Variants in BTAF1 observed in about 807,000 individuals in gnomAD.
BTAF1 encodes the protein TATA-binding protein-associated factor 172.
Under a neutral mutation model 227.1 loss-of-function variants are expected in BTAF1, and 38 were observed. The ratio of observed to expected loss-of-function variants is 0.17; its 90% CI spans 0.13 to 0.22. The LOEUF (loss-of-function observed/expected upper bound fraction) is 0.22, where lower values mean the gene tolerates loss of function less well. BTAF1 is among the 10% of genes least tolerant of loss of function. The pLI is 1.00. For missense variants in BTAF1, 1,598 were observed against 2,204.0 expected, an observed-to-expected ratio of 0.73 and a Z score of 5.51; for synonymous variants, 742 against 751.9, an observed-to-expected ratio of 0.99 and a Z score of 0.21.
chr10:91,969,799 A>C (rs1373809933), intron 14 of BTAF1, among the ~76,000 whole-genome samples: 2 of 151,990 alleles, frequency 1.3e-5, no homozygotes, highest in Non-Finnish European at 2.9e-5. Flanking sequence ...CCCTGTCTCT[A>C]CTAAAAATAC....
Position 91,924,093 on chromosome 10 carries a change from G to C in BTAF1, c.14+3G>C. The C allele has an allele frequency of 1.2e-6, 2 of 1,608,058 alleles. No individual in the cohort carries two copies. Among genetic ancestry groups the C allele is most frequent in the Non-Finnish European group, 1.7e-6 (2 of 1,178,102 alleles). On this transcript the variant is annotated splice_donor_region_variant and intron_variant, in intron 1 of 37. Coordinates refer to ENST00000265990, the MANE Select transcript of BTAF1 (RefSeq NM_003972.3). ...CGCCCGGCCATGGCGGTCTCCAGGT[G>C]GGTCTTGCTCCTGACGAGCAAACTG...
intron 1 of BTAF1, among the ~76,000 whole-genome samples, chr10:91,932,699 A>G (rs769006701): frequency 1.3e-5 from 2 of 152,264 alleles, no homozygotes; most frequent in Non-Finnish European, 2.9e-5. Context: ...TGTGGATTTC[A>G]GAAAAGGAAG....
intron 4 of BTAF1, among the ~76,000 whole-genome samples, chr10:91,950,832 A>AT (rs375509577): frequency 0.44 from 58,550 of 132,516 alleles, 13,258 homozygotes; most frequent in East Asian, 0.52. Flanking sequence ...ATAGAGATGT[A>AT]TTTTTTTTTT....
At chr10:91,948,781 T>A (rs1220330450) in intron 4 of BTAF1, among the ~76,000 whole-genome samples, 2 of 151,960 alleles carry the variant, frequency 1.3e-5, no homozygotes, top group East Asian at 3.9e-4. Flanking sequence ...TATATATTTT[T>A]AAAATTTTTT....
At chr10:92,028,765 T>TTA in intron 37 of BTAF1, 25 bp from the exon 38 acceptor site, 1 of 1,576,340 alleles carries the variant, frequency 6.3e-7, no homozygotes, top group Non-Finnish European at 8.6e-7. Flanking sequence ...TTTTATTTTT[T>TTA]TTTTTTTTGC....
chr10:91,926,615 A>G (rs1187992616), intron 1 of BTAF1, among the ~76,000 whole-genome samples: 1 of 152,204 alleles, frequency 6.6e-6, no homozygotes, highest in African/African-American at 2.4e-5. Flanking sequence ...CTGTAAAGCT[A>G]CATCCAATCT....
Position 91,997,617 on chromosome 10 carries a change from C to A in BTAF1, c.3526C>A (p.Leu1176Ile). 6.2e-7 allele frequency: 1 copy of A among 1,613,346 alleles called. No homozygotes were observed. The highest frequency in any genetic ancestry group is 8.5e-7 in the Non-Finnish European group (1 of 1,179,456). Residue 1176 changes from leucine to isoleucine, a missense_variant, in exon 25 of 38, where the codon CTA (leucine) becomes ATA (isoleucine). Leu to Ile is a conservative substitution (Grantham distance 5). Around this residue, in one of 10 missense-constraint regions of BTAF1, gnomAD observed 425 missense variants for 491.2 expected, o/e 0.87. Transcript: ENST00000265990. Reference sequence around the variant, plus strand: ...CACTTACTCAGGTGTAATGGAACAACTAGATGTTGGTATTGTTCCATATAT... The same window carrying A: ...CACTTACTCAGGTGTAATGGAACAAATAGATGTTGGTATTGTTCCATATAT... ...IEALACVMEQLDVGIVPYIVL... is the reference protein window; with the variant it reads ...IEALACVMEQIDVGIVPYIVL...
intron 20 of BTAF1, among the ~76,000 whole-genome samples, chr10:91,991,279 T>TATATATATTTATATATAA (rs1848728322): frequency 2.0e-5 from 2 of 98,436 alleles, no homozygotes; most frequent in African/African-American, 3.0e-5. Context: ...TAAATATATA[T>TATATATATTTATATATAA]ATATATATAT....
In BTAF1 at chr10:91,982,204, G is replaced by A; in HGVS notation, c.2027G>A (p.Arg676Gln). The A allele has an allele frequency of 1.9e-6, 3 of 1,613,844 alleles. No homozygotes were observed. The highest frequency in any genetic ancestry group is 1.7e-4 in the Middle Eastern group (1 of 6,058). Residue 676 changes from arginine (R) to glutamine (Q), a missense_variant, in exon 17 of 38, where the codon CGG (arginine) becomes CAG (glutamine). Around this residue, in one of 10 missense-constraint regions of BTAF1, gnomAD observed 318 missense variants for 435.0 expected, o/e 0.73. Transcript: ENST00000265990. ...DPATRDFVVM[R>Q]ARMMAAKLLG... ...GCCACCAGGGATTTTGTAGTTATGC[G>A]GGCCAGAATGATGGCAGCCAAGTGA...
At chr10:92,007,020 G>T (rs1257642410) in intron 25 of BTAF1, among the ~76,000 whole-genome samples, 1 of 151,186 alleles carries the variant, frequency 6.6e-6, no homozygotes, top group Non-Finnish European at 1.5e-5. Flanking sequence ...GAAATTCTTG[G>T]AGTATTAAAG....
rs1843652805 is a variant in BTAF1 at position 91,923,980 on chromosome 10, C to T, written c.-97C>T. On this transcript the variant is annotated 5_prime_UTR_variant, in exon 1 of 38. Coordinates refer to ENST00000265990, the MANE Select transcript of BTAF1 (RefSeq NM_003972.3). ...CCGCACCGGCCGCTCCCCTGTGCTC[C>T]GCGGCCTGGGCCTGCGCCGCTCAGC... 3.4e-6 allele frequency: 5 copies of T among 1,452,812 alleles called. No individual in the cohort carries two copies. The highest frequency in any genetic ancestry group is 1.8e-6 in the Non-Finnish European group (2 of 1,096,976). The allele number at this position is 1,452,812 out of a possible 1,614,324, so 90.0% of individuals were successfully genotyped here.
chr10:91,925,516 C>CTCTTTTTTTTT (rs746036208), intron 1 of BTAF1, among the ~76,000 whole-genome samples: 1 of 114,580 alleles, frequency 8.7e-6, no homozygotes, highest in African/African-American at 2.7e-5. Context: ...ACGCTAATCT[C>CTCTTTTTTTTT]TTTTTTTTTT....
At chr10:91,943,278 C>T (rs2133823576) in intron 4 of BTAF1, among the ~76,000 whole-genome samples, 1 of 152,250 alleles carries the variant, frequency 6.6e-6, no homozygotes, top group South Asian at 2.1e-4. Context: ...CACACCACTG[C>T]ACTCCAGCCT....
At chr10:91,953,531 T>C (rs1226528815) in intron 5 of BTAF1, among the ~76,000 whole-genome samples, 1 of 152,134 alleles carries the variant, frequency 6.6e-6, no homozygotes, top group South Asian at 2.1e-4. Context: ...TGTGTATCTG[T>C]TGGGAGTTGG....
intron 19 of BTAF1, among the ~76,000 whole-genome samples, chr10:91,986,739 G>C (rs932798019): frequency 6.6e-6 from 1 of 151,978 alleles, no homozygotes; most frequent in South Asian, 2.1e-4. Context: ...TCATCAAATG[G>C]CCCCTTCTTT....
rs34292341 is a variant in BTAF1 at position 91,947,735 on chromosome 10, CAAA to C, written c.401-3648_401-3646del. On this transcript the variant is annotated intron_variant, in intron 4 of 37. Coordinates refer to ENST00000265990, the MANE Select transcript of BTAF1 (RefSeq NM_003972.3). ...TTTAGGACCAGTCTGTCAATGTTTG[CAAA>C]AAAAAAAAAAAAAAAAAAAGCCAGC... 1.2e-3 allele frequency among the ~76,000 whole-genome samples: 125 copies of C among 107,360 alleles called. 1 individual carries two copies. Among genetic ancestry groups the C allele is most frequent in the South Asian group, 0.01 (26 of 2,556 alleles). The allele number at this position is 107,360 out of a possible 152,430, so 70.4% of individuals were successfully genotyped here. A position where few individuals can be genotyped will look rare whatever the true frequency, so the allele number is the denominator to read the frequency against.
At chr10:91,973,903 C>CAAAAAAA (rs566022941) in intron 14 of BTAF1, among the ~76,000 whole-genome samples, 3 of 93,902 alleles carry the variant, frequency 3.2e-5, no homozygotes, top group East Asian at 3.0e-4. Context: ...GACTCCGTCT[C>CAAAAAAA]AAAAAAAAAA....
At chr10:91,934,712 G>A (rs1342478212) in intron 1 of BTAF1, among the ~76,000 whole-genome samples, 2 of 152,110 alleles carry the variant, frequency 1.3e-5, no homozygotes, top group South Asian at 2.1e-4. Flanking sequence ...TCTCTTAAGT[G>A]TACCCTGAAT....
At chr10:91,965,935 T>C (rs552297791) in intron 13 of BTAF1, among the ~76,000 whole-genome samples, 1 of 152,322 alleles carries the variant, frequency 6.6e-6, no homozygotes, top group African/African-American at 2.4e-5. Context: ...CTTATGTCTT[T>C]TTCTGTGGAG....
Sources: gnomAD v4.1 joint callset for allele counts (sites outside exome capture counted in the v4.1 genomes callset) on GRCh38, gnomAD v4.1.1 for gene constraint, gnomAD v4.1.1 regional missense constraint, MANE v1.5 for transcripts, NCBI Gene and HGNC (gene_info 2026-07-23, HGNC 2026-07-21) for gene names.